VPS13B: variants seen among roughly 807,000 people sequenced by gnomAD.
VPS13B encodes the protein intermembrane lipid transfer protein VPS13B.
Under a neutral mutation model 426.4 loss-of-function variants are expected in VPS13B, and 285 were observed. The observed-to-expected ratio is 0.67, with a 90% CI of 0.61 to 0.74. The LOEUF (loss-of-function observed/expected upper bound fraction) is 0.74. Ranked by LOEUF, VPS13B falls within the 30% of genes least tolerant of loss-of-function variation. The pLI, the probability that VPS13B is intolerant of heterozygous loss-of-function variation, is 0.00. For missense variants in VPS13B, 4,537 were observed against 4,782.6 expected, an observed-to-expected ratio of 0.95 and a Z score of 1.51; for synonymous variants, 1,676 against 1,676.4, an observed-to-expected ratio of 1.00 and a Z score of 0.01.
At chr8:99,619,981 T>G (rs574503358) in intron 33 of VPS13B, among the ~76,000 whole-genome samples, 128 of 150,810 alleles carry the variant, frequency 8.5e-4, no homozygotes, top group South Asian at 6.5e-3. Flanking sequence ...TTATTAATGG[T>G]TTTTTTTTAC....
intron 28 of VPS13B, 92 bp downstream of exon 28, chr8:99,507,295 T>C: frequency 7.4e-7 from 1 of 1,343,472 alleles, no homozygotes; most frequent in Non-Finnish European, 1.1e-6. Context: ...GTTACAAGAA[T>C]TTGAGTTCAG....
intron 17 of VPS13B, among the ~76,000 whole-genome samples, chr8:99,220,530 C>G (rs980540928): frequency 6.6e-6 from 1 of 152,132 alleles, no homozygotes; most frequent in Non-Finnish European, 1.5e-5. Flanking sequence ...GTGATTTTCT[C>G]TAAGACACAG....
rs147016589 is a variant in VPS13B at position 99,602,955 on chromosome 8, C to G, written c.5220+25322C>G. On this transcript the variant is annotated intron_variant, in intron 33 of 61. Coordinates refer to ENST00000357162, the MANE Select transcript of VPS13B (RefSeq NM_152564.5). ...ATATCGTGAAAATGGCCATACTGCC[C>G]AAAGTAATTTATAGATTCAATGCTA... 7.0e-3 allele frequency among the ~76,000 whole-genome samples: 1,069 copies of G among 152,218 alleles called. 5 individuals are homozygous for G. The highest frequency in any genetic ancestry group is 0.011 in the Non-Finnish European group (749 of 68,014).
chr8:99,507,224 A>T (rs761378225), intron 28 of VPS13B, 21 bp downstream of exon 28: 1 of 1,611,586 alleles, frequency 6.2e-7, no homozygotes, highest in Non-Finnish European at 8.5e-7. Context: ...TTTAGTTACT[A>T]TGATTTTTGA....
intron 2 of VPS13B, among the ~76,000 whole-genome samples, chr8:99,016,871 G>A (rs1347931835): frequency 6.6e-6 from 1 of 152,144 alleles, no homozygotes; most frequent in Non-Finnish European, 1.5e-5. Context: ...TTACAGGCAT[G>A]AGCCACTGCG....
At chr8:99,579,718 T>C (rs1825959265) in intron 33 of VPS13B, among the ~76,000 whole-genome samples, 2 of 150,500 alleles carry the variant, frequency 1.3e-5, no homozygotes, top group Admixed American at 1.3e-4. Context: ...TCTTTCTTTT[T>C]TTTTTAACAC....
intron 33 of VPS13B, among the ~76,000 whole-genome samples, chr8:99,634,877 T>G (rs2133918019): frequency 6.6e-6 from 1 of 152,092 alleles, no homozygotes; most frequent in South Asian, 2.1e-4. Flanking sequence ...ATTAATAAAA[T>G]GATAAAGGTT....
At chr8:99,815,182 C>G (rs1477456745) in intron 44 of VPS13B, among the ~76,000 whole-genome samples, 2 of 151,966 alleles carry the variant, frequency 1.3e-5, no homozygotes, top group African/African-American at 4.8e-5. Flanking sequence ...GATTATGAAA[C>G]ATGACATAAT....
At chr8:99,745,168 T>G (rs1810018709) in intron 39 of VPS13B, among the ~76,000 whole-genome samples, 1 of 152,158 alleles carries the variant, frequency 6.6e-6, no homozygotes, top group Admixed American at 6.5e-5. Context: ...AAATTACTTC[T>G]GTCATATAAA....
intron 2 of VPS13B, among the ~76,000 whole-genome samples, chr8:99,024,823 G>A (rs980286886): frequency 1.3e-5 from 2 of 152,122 alleles, no homozygotes; most frequent in African/African-American, 4.8e-5. Flanking sequence ...TGCTTGTTAT[G>A]TATCTGTAAA....
chr8:99,612,411 G>A (rs887521616), intron 33 of VPS13B, among the ~76,000 whole-genome samples: 11 of 152,152 alleles, frequency 7.2e-5, no homozygotes, highest in Non-Finnish European at 1.6e-4. Context: ...CTCTTATTGA[G>A]TGTATTTCCA....
At chr8:99,816,299 T>C (rs1237502460) in intron 44 of VPS13B, among the ~76,000 whole-genome samples, 1 of 151,838 alleles carries the variant, frequency 6.6e-6, no homozygotes, top group African/African-American at 2.4e-5. Flanking sequence ...ACAGGGTTTC[T>C]CCATGTTGGT....
chr8:99,852,262 G>T (rs186357531), intron 55 of VPS13B, among the ~76,000 whole-genome samples: 306 of 152,346 alleles, frequency 2.0e-3, no homozygotes, highest in African/African-American at 6.6e-3. Context: ...CTAAGTGACT[G>T]TGTGGATAGG....
chr8:99,820,751 G>A (rs972946991), intron 49 of VPS13B, among the ~76,000 whole-genome samples: 23 of 152,094 alleles, frequency 1.5e-4, no homozygotes, highest in Non-Finnish European at 2.1e-4. Context: ...AAAAAATAGA[G>A]TAAAAGTAAC....
chr8:99,725,438 G>A (rs1439643646), intron 39 of VPS13B, among the ~76,000 whole-genome samples: 1 of 152,138 alleles, frequency 6.6e-6, no homozygotes. Flanking sequence ...CGCATGTGAG[G>A]GATCTAGGTT....
At chr8:99,870,525 G>A (rs565350625) in intron 59 of VPS13B, among the ~76,000 whole-genome samples, 9 of 152,132 alleles carry the variant, frequency 5.9e-5, no homozygotes, top group African/African-American at 1.4e-4. Context: ...AGCTACTTTC[G>A]GTGTTTTTGC....
intron 15 of VPS13B, among the ~76,000 whole-genome samples, chr8:99,167,331 A>C (rs1812065285): frequency 6.6e-6 from 1 of 152,134 alleles, no homozygotes; most frequent in African/African-American, 2.4e-5. Flanking sequence ...TTAAAATGAA[A>C]GAAATGCTTA....
At chr8:99,800,910 G>A (rs1253196365) in intron 43 of VPS13B, among the ~76,000 whole-genome samples, 3 of 152,160 alleles carry the variant, frequency 2.0e-5, no homozygotes, top group Non-Finnish European at 4.4e-5. Context: ...AGAAACATGT[G>A]AAATTTGATA....
At chr8:99,814,409 TTGTA>T (rs1419303528) in intron 44 of VPS13B, among the ~76,000 whole-genome samples, 1 of 152,182 alleles carries the variant, frequency 6.6e-6, no homozygotes, top group African/African-American at 2.4e-5. Context: ...CAACCCAGTG[TTGTA>T]TTTGCTTCTC....
Sources: allele counts gnomAD v4.1 joint callset (sites outside exome capture counted in the v4.1 genomes callset), GRCh38; gene constraint gnomAD v4.1.1; transcripts MANE v1.5; gene names NCBI Gene and HGNC (gene_info 2026-07-23, HGNC 2026-07-21).